The following PRKG1 variants were observed in gnomAD, a reference collection of about 807,000 sequenced individuals.
The protein encoded by PRKG1 is protein kinase cGMP-dependent 1, also known as cGMP-dependent protein kinase 1.
In PRKG1, 35 loss-of-function variants were observed where a neutral mutation model predicts 88.1. The observed-to-expected ratio is 0.40, with a 90% confidence interval of 0.30 to 0.53. The LOEUF is 0.53. PRKG1 is among the 20% of genes least tolerant of loss of function. The probability of loss-of-function intolerance (pLI) is 0.59; values close to 1 mark genes in which losing one functional copy is unlikely to be tolerated. For missense variants in PRKG1, 540 were observed against 839.8 expected (o/e 0.64, Z 4.41); for synonymous variants, 303 against 292.5 (o/e 1.04, Z -0.37).
At chr10:52,171,792 T>A (rs866686904) in intron 9 of PRKG1, among the ~76,000 whole-genome samples, 1,688 of 121,028 alleles carry the variant, frequency 0.014, 56 homozygotes, top group African/African-American at 0.061. Flanking sequence ...CAAAATTTTT[T>A]TTTTTTTTTT....
intron 3 of PRKG1, among the ~76,000 whole-genome samples, chr10:51,682,579 T>C (rs1840878835): frequency 6.6e-6 from 1 of 152,126 alleles, no homozygotes; most frequent in African/African-American, 2.4e-5. Context: ...GTTTGGTTGG[T>C]TGGTTGTTTT....
intron 2 of PRKG1, chr10:51,320,348 G>A: frequency 6.1e-6 from 1 of 165,226 alleles, no homozygotes; most frequent in Non-Finnish European, 1.4e-5. Flanking sequence ...TTGCAGCCTA[G>A]GGAAACTGGG....
chr10:51,972,481 G>A (rs1468915815), intron 5 of PRKG1, among the ~76,000 whole-genome samples: 4 of 152,142 alleles, frequency 2.6e-5, no homozygotes, highest in Non-Finnish European at 5.9e-5. Context: ...GCTCTTACCT[G>A]ATGGCTAAGA....
chr10:51,991,076 A>G (rs866112968), intron 5 of PRKG1, among the ~76,000 whole-genome samples: 2 of 152,202 alleles, frequency 1.3e-5, no homozygotes, highest in South Asian at 2.1e-4. Flanking sequence ...ATTCATTTCT[A>G]AGTGTCTTTT....
At chr10:51,580,648 C>A (rs10998327) in intron 3 of PRKG1, among the ~76,000 whole-genome samples, 10,529 of 152,038 alleles carry the variant, frequency 0.069, 1,201 homozygotes, top group African/African-American at 0.24. Context: ...TTTTGTCTTC[C>A]ATAAGAAGAA....
chr10:51,443,402 A>G (rs293250), intron 2 of PRKG1, among the ~76,000 whole-genome samples: 92,481 of 151,862 alleles, frequency 0.61, 28,834 homozygotes, highest in Middle Eastern at 0.68. Context: ...CCTCTGTAAA[A>G]AAGTTTTAAA....
intron 5 of PRKG1, among the ~76,000 whole-genome samples, chr10:51,995,995 G>T (rs1163574175): frequency 6.6e-6 from 1 of 151,986 alleles, no homozygotes; most frequent in African/African-American, 2.4e-5. Context: ...GCTTCTGCAC[G>T]GCAAAGGAAA....
chr10:51,449,896 A>T (rs575307682), intron 2 of PRKG1, among the ~76,000 whole-genome samples: 74 of 151,968 alleles, frequency 4.9e-4, no homozygotes, highest in African/African-American at 1.7e-3. Flanking sequence ...AAAAGAAATC[A>T]GATGCTCAGA....
At chr10:51,019,806 CAAAAA>C (rs201443054) in intron 1 of PRKG1, among the ~76,000 whole-genome samples, 1 of 148,506 alleles carries the variant, frequency 6.7e-6, no homozygotes, top group African/African-American at 2.5e-5. Flanking sequence ...CAAAACAAAA[CAAAAA>C]AAAACTCAAT....
intron 3 of PRKG1, among the ~76,000 whole-genome samples, chr10:51,536,058 G>A (rs1842143072): frequency 6.6e-6 from 1 of 152,104 alleles, no homozygotes; most frequent in Non-Finnish European, 1.5e-5. Flanking sequence ...AAGAGAAGGA[G>A]AAAGAGATTG....
chr10:51,515,378 A>G (rs759452538), intron 3 of PRKG1, among the ~76,000 whole-genome samples: 1 of 152,234 alleles, frequency 6.6e-6, no homozygotes. Context: ...ATAAATGGGC[A>G]AAAGTCTGAT....
chr10:52,234,495 G>C (rs1362720401), intron 9 of PRKG1, among the ~76,000 whole-genome samples: 1 of 151,268 alleles, frequency 6.6e-6, no homozygotes, highest in Non-Finnish European at 1.5e-5. Flanking sequence ...TGAAAACCAA[G>C]GCTCGAGAAC....
Position 52,062,572 on chromosome 10 carries a change from C to A in PRKG1, c.876C>A (p.Asp292Glu), listed in dbSNP as rs764715643. 3 of 1,607,016 alleles carry A rather than the reference C, an allele frequency of 1.9e-6. No individual in the cohort carries two copies. The South Asian group carries it at 3.4e-5, about 18-fold the overall frequency. Residue 292 changes from aspartate to glutamate, a missense_variant, in exon 7 of 18, where the codon GAC (aspartate) becomes GAA (glutamate). This residue lies in a region of PRKG1 where 400 missense variants were observed against 562.7 expected (regional missense o/e 0.71). Coordinates refer to ENST00000373980, the MANE Select transcript of PRKG1 (RefSeq NM_006258.4). ...CTCGTGAAGACTCACCGAGTGAAGACCCAGTCTTTCTTAGAACTTTAGGAA... is the reference window on the plus strand; with the variant it reads ...CTCGTGAAGACTCACCGAGTGAAGAACCAGTCTTTCTTAGAACTTTAGGAA... ...NVTREDSPSE[D>E]PVFLRTLGKG...
At chr10:51,495,739 A>G (rs1288678619) in intron 3 of PRKG1, among the ~76,000 whole-genome samples, 1 of 152,220 alleles carries the variant, frequency 6.6e-6, no homozygotes, top group African/African-American at 2.4e-5. Flanking sequence ...AACGTTGTAA[A>G]TGTGTCCTCA....
intron 2 of PRKG1, among the ~76,000 whole-genome samples, chr10:51,448,334 GT>G (rs1387363193): frequency 6.6e-6 from 1 of 152,024 alleles, no homozygotes; most frequent in Non-Finnish European, 1.5e-5. Context: ...AGGGATTTTT[GT>G]TTATTCTGTG....
At chr10:51,686,466 C>A (rs959042387) in intron 3 of PRKG1, among the ~76,000 whole-genome samples, 14 of 152,156 alleles carry the variant, frequency 9.2e-5, no homozygotes, top group African/African-American at 3.1e-4. Context: ...AAGGTTATCA[C>A]TGGCCAAAGC....
chr10:51,728,361 T>C (rs1842185553), intron 3 of PRKG1, among the ~76,000 whole-genome samples: 1 of 152,026 alleles, frequency 6.6e-6, no homozygotes, highest in African/African-American at 2.4e-5. Context: ...TGCTTCACAT[T>C]TTGTCTTGAA....
At chr10:51,166,816 G>A (rs1162376955) in intron 2 of PRKG1, among the ~76,000 whole-genome samples, 1 of 152,166 alleles carries the variant, frequency 6.6e-6, no homozygotes, top group African/African-American at 2.4e-5. Flanking sequence ...GGGTGGTAGA[G>A]ATAAAGCGGG....
At chr10:51,641,029 G>GAT (rs1314989920) in intron 3 of PRKG1, among the ~76,000 whole-genome samples, 2 of 150,612 alleles carry the variant, frequency 1.3e-5, no homozygotes, top group East Asian at 3.9e-4. Flanking sequence ...GTAGATGAGG[G>GAT]ATATAGATAA....
Sources: gnomAD v4.1 joint callset for allele counts (sites outside exome capture counted in the v4.1 genomes callset) on GRCh38, gnomAD v4.1.1 for gene constraint, gnomAD v4.1.1 regional missense constraint, MANE v1.5 for transcripts, NCBI Gene and HGNC (gene_info 2026-07-23, HGNC 2026-07-21) for gene names.